The following MDGA2 variants were observed in gnomAD, a reference collection of about 807,000 sequenced individuals.
The protein encoded by MDGA2 is MAM domain containing glycosylphosphatidylinositol anchor 2.
A neutral mutation model predicts 117.8 loss-of-function variants in MDGA2; 40 were observed. That is an observed-to-expected ratio of 0.34 (90% CI 0.26 to 0.44). The LOEUF is 0.44. Among genes scored for constraint, MDGA2 ranks in the 20% least tolerant of loss-of-function variants. The pLI is 1.00. For missense variants in MDGA2, 1,123 were observed against 1,250.6 expected (o/e 0.90, Z 1.54); for synonymous variants, 452 against 439.0 (o/e 1.03, Z -0.37).
intron 7 of MDGA2, 100 bp downstream of exon 7, chr14:47,061,148 TA>T: frequency 8.6e-7 from 1 of 1,166,118 alleles, no homozygotes. Flanking sequence ...TTAGGAAACT[TA>T]AAAGGGAAAA....
At chr14:46,947,948 C>G (rs1428759275) in intron 9 of MDGA2, among the ~76,000 whole-genome samples, 1 of 151,868 alleles carries the variant, frequency 6.6e-6, no homozygotes, top group Non-Finnish European at 1.5e-5. Context: ...TTGTCCTTCA[C>G]ACCTCTTAAG....
rs1334079887 is a variant in MDGA2, at chr14:46,884,864, T to C, written c.2239-2643A>G. On this transcript the variant is annotated intron_variant, in intron 10 of 16. Coordinates refer to ENST00000399232, the MANE Select transcript of MDGA2 (RefSeq NM_001113498.3). The surrounding 1 kb of genome is among the most constrained non-coding windows in gnomAD (Gnocchi z 4.1). ...ACATTACTTTCTTTTTTGTTTTTTTTCTGAGACAGTCTCGCTCTGTCACCT... is the reference window on the plus strand; with the variant it reads ...ACATTACTTTCTTTTTTGTTTTTTTCCTGAGACAGTCTCGCTCTGTCACCT... Among the ~76,000 whole-genome samples the C allele has an allele frequency of 9.2e-5, 14 of 151,976 alleles. No homozygotes were observed. In the East Asian group the frequency reaches 2.7e-3, roughly 29 times the overall value.
intron 3 of MDGA2, among the ~76,000 whole-genome samples, chr14:47,192,087 A>G (rs1885133162): frequency 6.6e-6 from 1 of 152,232 alleles, no homozygotes; most frequent in Non-Finnish European, 1.5e-5. Context: ...ACTTTCTGCA[A>G]TTAGTAGTTG....
At chr14:47,084,671 A>G (rs1445928628) in intron 6 of MDGA2, among the ~76,000 whole-genome samples, 3 of 152,142 alleles carry the variant, frequency 2.0e-5, no homozygotes. Flanking sequence ...AGGAATTAGG[A>G]TTAGACAAAG....
chr14:46,964,047 A>G (rs1885917366), intron 8 of MDGA2, among the ~76,000 whole-genome samples: 1 of 152,214 alleles, frequency 6.6e-6, no homozygotes, highest in Admixed American at 6.5e-5. Flanking sequence ...TTCTGGGACC[A>G]GGACACAAGT....
At chr14:47,482,776 T>A (rs1594880237) in intron 1 of MDGA2, among the ~76,000 whole-genome samples, 1 of 152,096 alleles carries the variant, frequency 6.6e-6, no homozygotes, top group Non-Finnish European at 1.5e-5. Flanking sequence ...TTAGGAGATT[T>A]GGCTTGTACC....
In MDGA2 at chr14:47,264,936, T is replaced by C. The variant is rs1343396505; in HGVS notation, c.420+36475A>G. ...TTTCTCATTGTTCAACTCCCACTTA[T>C]GTGTGAGAACATGATTTTATTTTTT... On this transcript the variant is annotated intron_variant, in intron 2 of 16. Coordinates refer to ENST00000399232, the MANE Select transcript of MDGA2 (RefSeq NM_001113498.3). Among the ~76,000 whole-genome samples the C allele has an allele frequency of 4.6e-5, 7 of 152,272 alleles. No individual in the cohort carries two copies. The South Asian group carries it at 6.2e-4, about 14-fold the overall frequency.
intron 1 of MDGA2, among the ~76,000 whole-genome samples, chr14:47,454,545 C>G (rs1013372000): frequency 1.3e-5 from 2 of 152,102 alleles, no homozygotes; most frequent in Non-Finnish European, 2.9e-5. Context: ...TATTCATTCT[C>G]TGTTTGTTTT....
At chr14:47,161,912 C>T (rs1271988836) in intron 3 of MDGA2, among the ~76,000 whole-genome samples, 1 of 131,480 alleles carries the variant, frequency 7.6e-6, no homozygotes, top group East Asian at 2.4e-4. Flanking sequence ...ATTTAAACAC[C>T]CCCCTCCCCA....
intron 8 of MDGA2, among the ~76,000 whole-genome samples, chr14:47,023,898 G>A (rs1246700522): frequency 6.6e-6 from 1 of 151,688 alleles, no homozygotes; most frequent in Non-Finnish European, 1.5e-5. Flanking sequence ...AGAGTATAGA[G>A]TAAGGAAACA....
intron 3 of MDGA2, among the ~76,000 whole-genome samples, chr14:47,173,815 T>G (rs1188273696): frequency 2.0e-5 from 3 of 152,170 alleles, no homozygotes; most frequent in Admixed American, 6.5e-5. Context: ...ACTTTAAATG[T>G]AAATGGACTA....
At chr14:47,249,023 G>GTT (rs33940856) in intron 2 of MDGA2, among the ~76,000 whole-genome samples, 6 of 106,748 alleles carry the variant, frequency 5.6e-5, no homozygotes, top group East Asian at 2.4e-4. Flanking sequence ...TGTTGTTGTT[G>GTT]TTGTTTTTTG....
At chr14:47,453,240 G>C (rs1893278429) in intron 1 of MDGA2, among the ~76,000 whole-genome samples, 1 of 151,712 alleles carries the variant, frequency 6.6e-6, no homozygotes, top group African/African-American at 2.4e-5. Flanking sequence ...TTAGGCCTGG[G>C]CTTTACTTTT....
intron 1 of MDGA2, among the ~76,000 whole-genome samples, chr14:47,667,762 C>T (rs1162390432): frequency 2.0e-5 from 3 of 152,262 alleles, no homozygotes; most frequent in Middle Eastern, 6.8e-3. Flanking sequence ...TGTGTTTCCC[C>T]TTCTACAGGA....
At chr14:47,191,433 T>C (rs1885110084) in intron 3 of MDGA2, among the ~76,000 whole-genome samples, 1 of 149,272 alleles carries the variant, frequency 6.7e-6, no homozygotes, top group Admixed American at 6.7e-5. Flanking sequence ...TATATATATA[T>C]ATATGAAAAT....
chr14:46,911,803 G>A (rs76788052), intron 10 of MDGA2, among the ~76,000 whole-genome samples: 7,447 of 152,148 alleles, frequency 0.049, 212 homozygotes, highest in African/African-American at 0.067. Flanking sequence ...TAAAATAAAT[G>A]TGAGCTATAC....
In MDGA2 at chr14:47,635,022, GTAA is replaced by G. The variant is rs1383559887; in HGVS notation, c.280+39492_280+39494del. ...ATTGTTCATCTGATTATTATCATGG[GTAA>G]TAATAATAATACCTACCCAATAGAG... On this transcript the variant is annotated intron_variant, in intron 1 of 16. Transcript: ENST00000399232. Among the ~76,000 whole-genome samples, 10 of 151,988 alleles carry G rather than the reference GTAA, an allele frequency of 6.6e-5. No homozygotes were observed. In the East Asian group the frequency reaches 1.7e-3, roughly 26 times the overall value.
At chr14:47,555,555 C>G (rs1204178822) in intron 1 of MDGA2, among the ~76,000 whole-genome samples, 1 of 152,150 alleles carries the variant, frequency 6.6e-6, no homozygotes, top group Non-Finnish European at 1.5e-5. Context: ...AGAAGGAAGA[C>G]TCAAGAGGCA....
intron 1 of MDGA2, among the ~76,000 whole-genome samples, chr14:47,348,555 A>T (rs1438021259): frequency 6.6e-6 from 1 of 152,164 alleles, no homozygotes; most frequent in Non-Finnish European, 1.5e-5. Flanking sequence ...TGAGAATTAG[A>T]AATTAAATAT....
Sources: gnomAD v4.1 joint callset for allele counts (sites outside exome capture counted in the v4.1 genomes callset) on GRCh38, gnomAD v4.1.1 for gene constraint, Gnocchi (gnomAD v3.1) non-coding constraint, MANE v1.5 for transcripts, NCBI Gene and HGNC (gene_info 2026-07-23, HGNC 2026-07-21) for gene names.